CORO2B: variants seen among roughly 807,000 people sequenced by gnomAD.
CORO2B encodes coronin-2B.
In CORO2B, 26 loss-of-function variants were observed where a neutral mutation model predicts 58.8. The observed-to-expected ratio is 0.44, with a 90% CI of 0.32 to 0.61. The LOEUF (loss-of-function observed/expected upper bound fraction) is 0.61, where lower values mean the gene tolerates loss of function less well. CORO2B is among the 20% of genes least tolerant of loss of function. The pLI is 0.04. For synonymous variants in CORO2B, 242 were observed against 253.8 expected, an observed-to-expected ratio of 0.95 and a Z score of 0.44; for missense variants, 460 against 645.1, an observed-to-expected ratio of 0.71 and a Z score of 3.11.
At chr15:68,725,266 G>A (rs1893265740) in intron 11 of CORO2B, among the ~76,000 whole-genome samples, 1 of 152,138 alleles carries the variant, frequency 6.6e-6, no homozygotes. Context: ...CTACTCGGGA[G>A]GCTGAGGCAG....
chr15:68,674,730 T>C (rs190059680), intron 2 of CORO2B, among the ~76,000 whole-genome samples: 19 of 152,268 alleles, frequency 1.2e-4, no homozygotes, highest in Admixed American at 1.1e-3. Flanking sequence ...CCAGGCAGGG[T>C]TGGAGTAAGA....
At chr15:68,669,019 G>A (rs139197340) in intron 2 of CORO2B, among the ~76,000 whole-genome samples, 1,832 of 151,330 alleles carry the variant, frequency 0.012, 40 homozygotes, top group African/African-American at 0.043. Flanking sequence ...CAGAGGTTGC[G>A]GTGAGCCAAG....
At chr15:68,579,313 C>G (rs560700279) in intron 1 of CORO2B, 36 bp downstream of exon 1, 2 of 1,278,914 alleles carry the variant, frequency 1.6e-6, no homozygotes, top group Non-Finnish European at 2.0e-6. Context: ...CGGGACCCGC[C>G]GGCGCCTGCA....
chr15:68,713,893 C>G, intron 5 of CORO2B, 32 bp from the exon 6 acceptor site: 1 of 1,528,522 alleles, frequency 6.5e-7, no homozygotes, highest in Non-Finnish European at 9.1e-7. Flanking sequence ...TGTTGGGGAC[C>G]CTGGCTCACC....
At chr15:68,523,541 A>G in the CORO2B span, among the ~76,000 whole-genome samples, 674 of 152,296 alleles carry the variant, frequency 4.4e-3, 7 homozygotes, top group African/African-American at 0.015. Context: ...AAGGTTTCCC[A>G]ACTACCTTTT....
At chr15:68,691,855 G>T (rs573100340) in intron 2 of CORO2B, among the ~76,000 whole-genome samples, 17 of 152,252 alleles carry the variant, frequency 1.1e-4, no homozygotes, top group African/African-American at 4.1e-4. Context: ...CCTGTTATCT[G>T]ATGGCCACCT....
At chr15:68,644,712 T>C (rs1272205764) in intron 1 of CORO2B, among the ~76,000 whole-genome samples, 1 of 152,092 alleles carries the variant, frequency 6.6e-6, no homozygotes, top group Non-Finnish European at 1.5e-5. Context: ...CCCACCCCAC[T>C]CCTGCTGTGG....
intron 2 of CORO2B, among the ~76,000 whole-genome samples, chr15:68,685,953 G>A (rs1007851026): frequency 1.3e-5 from 2 of 151,910 alleles, no homozygotes; most frequent in African/African-American, 4.8e-5. Flanking sequence ...AATCTAAGGG[G>A]CTTCGCAACT....
intron 1 of CORO2B, among the ~76,000 whole-genome samples, chr15:68,617,191 C>G (rs1900383384): frequency 6.6e-6 from 1 of 152,050 alleles, no homozygotes; most frequent in South Asian, 2.1e-4. Flanking sequence ...TGAGTCATAT[C>G]CTGACACTGG....
chr15:68,713,757 C>T (rs1892970377), intron 5 of CORO2B, among the ~76,000 whole-genome samples, 168 bp from the exon 6 acceptor site: 1 of 152,210 alleles, frequency 6.6e-6, no homozygotes, highest in African/African-American at 2.4e-5. Context: ...ATCTCATCTC[C>T]AAATCCTTAG....
the CORO2B span, among the ~76,000 whole-genome samples, chr15:68,550,214 A>G: frequency 2.4e-3 from 368 of 152,264 alleles, 5 homozygotes; most frequent in African/African-American, 8.2e-3. Flanking sequence ...TCTTACCAGC[A>G]TGAAAATACA....
chr15:68,683,680 G>A lies in CORO2B; in HGVS notation c.217-11460G>A, dbSNP rs1184669501. 3.3e-5 allele frequency among the ~76,000 whole-genome samples: 5 copies of A among 152,154 alleles called. No individual in the cohort carries two copies. In the East Asian group the frequency reaches 9.7e-4, roughly 29 times the overall value. Reference sequence around the variant, plus strand: ...CATTTAAGGCCTCGAATGCTGGGAAGCAGGGATGTCACCATCTCAGGACAC... The same window carrying A: ...CATTTAAGGCCTCGAATGCTGGGAAACAGGGATGTCACCATCTCAGGACAC... On this transcript the variant is annotated intron_variant, in intron 2 of 11. Transcript: ENST00000261861.
the CORO2B span, among the ~76,000 whole-genome samples, chr15:68,567,610 G>C: frequency 6.6e-6 from 1 of 152,220 alleles, no homozygotes; most frequent in South Asian, 2.1e-4. Context: ...AGACAGGTCA[G>C]CTCGCCCTTT....
At chr15:68,687,345 A>G (rs193294173) in intron 2 of CORO2B, among the ~76,000 whole-genome samples, 3 of 152,346 alleles carry the variant, frequency 2.0e-5, no homozygotes, top group Non-Finnish European at 2.9e-5. Flanking sequence ...TACAAAATTC[A>G]GCTCTGCAGT....
Position 68,640,924 on chromosome 15 carries a change from G to A in CORO2B, c.16-4236G>A, listed in dbSNP as rs370903795. On this transcript the variant is annotated intron_variant, in intron 1 of 11. Transcript: ENST00000261861. Reference sequence around the variant, plus strand: ...GTCAGTAGGAGTCTGAATGGGGAGCGGAGCCAGGACTGCAGACTCCCAGCT... The same window carrying A: ...GTCAGTAGGAGTCTGAATGGGGAGCAGAGCCAGGACTGCAGACTCCCAGCT... Among the ~76,000 whole-genome samples, 26 of 152,280 alleles carry A rather than the reference G, an allele frequency of 1.7e-4. No individual in the cohort carries two copies. In the South Asian group the frequency reaches 2.3e-3, roughly 13 times the overall value.
chr15:68,558,095 G>A, the CORO2B span, among the ~76,000 whole-genome samples: 21 of 152,276 alleles, frequency 1.4e-4, no homozygotes, highest in African/African-American at 4.8e-4. Flanking sequence ...GGTGGGTGCG[G>A]GCAGAGAGGC....
chr15:68,531,097 C>A, the CORO2B span, among the ~76,000 whole-genome samples: 1 of 152,160 alleles, frequency 6.6e-6, no homozygotes, highest in Non-Finnish European at 1.5e-5. Flanking sequence ...TACATACAAT[C>A]CATGACCCTT....
the CORO2B span, among the ~76,000 whole-genome samples, chr15:68,561,456 G>A: frequency 2.0e-5 from 3 of 150,224 alleles, no homozygotes; most frequent in African/African-American, 7.3e-5. Flanking sequence ...GCCTCCCAGC[G>A]CCTTCCCCTT....
intron 2 of CORO2B, among the ~76,000 whole-genome samples, chr15:68,675,219 C>G (rs1902537207): frequency 6.6e-6 from 1 of 152,218 alleles, no homozygotes; most frequent in African/African-American, 2.4e-5. Context: ...TTGTACCCCG[C>G]TTCAGCATGC....
Sources: allele counts gnomAD v4.1 joint callset (sites outside exome capture counted in the v4.1 genomes callset), GRCh38; gene constraint gnomAD v4.1.1; transcripts MANE v1.5; gene names NCBI Gene and HGNC (gene_info 2026-07-23, HGNC 2026-07-21).